The following BABAM2 variants were observed in gnomAD, a reference collection of about 807,000 sequenced individuals.
BABAM2 encodes BRISC and BRCA1 A complex member 2, also known as BRISC and BRCA1-A complex member 2.
In BABAM2, 31 loss-of-function variants were observed where a neutral mutation model predicts 54.7. That is an observed-to-expected ratio of 0.57 (90% CI 0.43 to 0.77). The LOEUF is 0.77. Ranked by LOEUF, BABAM2 falls within the 30% of genes least tolerant of loss-of-function variation. The pLI is 0.00. For synonymous variants in BABAM2, 167 were observed against 162.9 expected, an observed-to-expected ratio of 1.03 and a Z score of -0.19; for missense variants, 364 against 455.8, an observed-to-expected ratio of 0.80 and a Z score of 1.83.
At chr2:28,139,358 A>G (rs567137741) in intron 7 of BABAM2, among the ~76,000 whole-genome samples, 19 of 150,228 alleles carry the variant, frequency 1.3e-4, no homozygotes, top group African/African-American at 4.7e-4. Context: ...AAAAGAAAAA[A>G]AAGAGGTGGA....
intron 7 of BABAM2, among the ~76,000 whole-genome samples, chr2:28,152,808 C>T (rs1193922351): frequency 2.6e-5 from 4 of 152,164 alleles, no homozygotes; most frequent in African/African-American, 7.2e-5. Context: ...GGATGGTCAT[C>T]GGCTACTAGG....
chr2:28,095,944 T>C (rs1286663408), intron 6 of BABAM2, among the ~76,000 whole-genome samples: 1 of 152,194 alleles, frequency 6.6e-6, no homozygotes, highest in Non-Finnish European at 1.5e-5. Flanking sequence ...CCTCTCTTTA[T>C]AGATGAGAAA....
chr2:28,267,938 A>G (rs950089627), intron 10 of BABAM2, among the ~76,000 whole-genome samples: 1 of 152,260 alleles, frequency 6.6e-6, no homozygotes, highest in Admixed American at 6.5e-5. Context: ...ATGTTCACTG[A>G]CAGAGGAATG....
At chr2:28,090,972 T>C (rs888031308) in intron 6 of BABAM2, among the ~76,000 whole-genome samples, 12 of 152,224 alleles carry the variant, frequency 7.9e-5, no homozygotes, top group Non-Finnish European at 1.3e-4. Context: ...TTTTCTTAAC[T>C]GCCAAGTGCT....
chr2:28,088,351 A>G (rs762775691), intron 6 of BABAM2, among the ~76,000 whole-genome samples: 1 of 152,130 alleles, frequency 6.6e-6, no homozygotes, highest in Non-Finnish European at 1.5e-5. Context: ...TTCTCCTGAC[A>G]TTTGCCATTG....
intron 7 of BABAM2, among the ~76,000 whole-genome samples, chr2:28,190,264 T>A (rs930984154): frequency 6.6e-6 from 1 of 152,210 alleles, no homozygotes; most frequent in African/African-American, 2.4e-5. Context: ...CTTTATTTCC[T>A]ACAGTTTTGG....
chr2:28,049,418 T>G (rs1239445432), intron 6 of BABAM2, among the ~76,000 whole-genome samples: 1 of 152,182 alleles, frequency 6.6e-6, no homozygotes, highest in African/African-American at 2.4e-5. Flanking sequence ...ATCTCTAAAC[T>G]AGAAATCAGT....
At chr2:28,202,659 G>A (rs1253640270) in intron 7 of BABAM2, among the ~76,000 whole-genome samples, 1 of 152,132 alleles carries the variant, frequency 6.6e-6, no homozygotes, top group East Asian at 1.9e-4. Context: ...GCAGCTGGGG[G>A]AGGAAATGGC....
At chr2:28,286,731 A>G (rs1354791998) in intron 10 of BABAM2, among the ~76,000 whole-genome samples, 1 of 152,178 alleles carries the variant, frequency 6.6e-6, no homozygotes, top group Non-Finnish European at 1.5e-5. Flanking sequence ...CCCATACTGC[A>G]TGGTGGTTGA....
intron 11 of BABAM2, among the ~76,000 whole-genome samples, chr2:28,326,870 T>C (rs1380877624): frequency 6.6e-6 from 1 of 152,226 alleles, no homozygotes; most frequent in Non-Finnish European, 1.5e-5. Context: ...CTCCCGCCCT[T>C]AGTCTCCCCT....
At chr2:27,967,811 G>T (rs1336657159) in intron 3 of BABAM2, among the ~76,000 whole-genome samples, 1 of 152,212 alleles carries the variant, frequency 6.6e-6, no homozygotes, top group Non-Finnish European at 1.5e-5. Flanking sequence ...TTTTAGCAAA[G>T]AGATTGGCGG....
chr2:28,113,125 G>A lies in BABAM2; in HGVS notation c.571-16146G>A, dbSNP rs1184170072. On this transcript the variant is annotated intron_variant, in intron 6 of 11. Transcript: ENST00000379624. ...TAGCTCTTTGTCAGATGGATAGATT[G>A]CAAAAATTTTCTCCCATTCTGTAGG... Among the ~76,000 whole-genome samples the A allele has an allele frequency of 3.9e-5, 6 of 152,210 alleles. No individual in the cohort carries two copies. The East Asian group carries it at 7.7e-4, about 20-fold the overall frequency.
At chr2:28,237,930 G>A (rs1488914955) in intron 8 of BABAM2, among the ~76,000 whole-genome samples, 1 of 151,982 alleles carries the variant, frequency 6.6e-6, no homozygotes, top group Non-Finnish European at 1.5e-5. Context: ...TCGGCTGACC[G>A]CAACCTCCTC....
chr2:28,135,431 T>C (rs1670448782), intron 7 of BABAM2, among the ~76,000 whole-genome samples: 1 of 152,128 alleles, frequency 6.6e-6, no homozygotes, highest in Admixed American at 6.5e-5. Flanking sequence ...TTCAACCCAT[T>C]AAATTATGCT....
At chr2:28,139,113 A>G (rs113427356) in intron 7 of BABAM2, among the ~76,000 whole-genome samples, 1 of 152,162 alleles carries the variant, frequency 6.6e-6, no homozygotes, top group East Asian at 1.9e-4. Context: ...CTTAATTTGG[A>G]GGAAGTGTAA....
Position 28,305,638 on chromosome 2 carries a change from G to T in BABAM2, c.1088+7147G>T, listed in dbSNP as rs6743773. 5.0e-3 allele frequency among the ~76,000 whole-genome samples: 760 copies of T among 152,096 alleles called. 3 individuals are homozygous for T. Among genetic ancestry groups the T allele is most frequent in the African/African-American group, 0.017 (708 of 41,468 alleles). On this transcript the variant is annotated intron_variant, in intron 11 of 11. Coordinates refer to ENST00000379624, the MANE Select transcript of BABAM2 (RefSeq NM_199191.3). ...TTATTTCTTTCCAAATGTTTGGTAG[G>T]GTTTCCTTTGTGCAAAAAATATTTA...
At chr2:28,210,425 C>T (rs930803419) in intron 7 of BABAM2, among the ~76,000 whole-genome samples, 9 of 152,130 alleles carry the variant, frequency 5.9e-5, no homozygotes, top group Non-Finnish European at 1.0e-4. Context: ...CTTGTAACTT[C>T]CTGAAAGGCT....
rs1380904523 is a variant in BABAM2, at chr2:27,995,961, T to C, written c.300+7874T>C. Among the ~76,000 whole-genome samples, 1 of 152,230 alleles carries C rather than the reference T, an allele frequency of 6.6e-6. No individual in the cohort carries two copies. Among genetic ancestry groups the C allele is most frequent in the African/African-American group, 2.4e-5 (1 of 41,464 alleles). ...TTATTTTCTGTAAATTCCAATTATC[T>C]GGTTAACTTATCTTTTCATCTATAT... On this transcript the variant is annotated intron_variant, in intron 4 of 11. Coordinates refer to ENST00000379624, the MANE Select transcript of BABAM2 (RefSeq NM_199191.3). The surrounding 1 kb of genome is among the most constrained non-coding windows in gnomAD (Gnocchi z 4.1).
intron 7 of BABAM2, among the ~76,000 whole-genome samples, chr2:28,188,943 G>A (rs936441522): frequency 2.0e-5 from 3 of 152,226 alleles, no homozygotes; most frequent in Admixed American, 6.5e-5. Flanking sequence ...GCTCACGCCT[G>A]TAATCCCAAC....
Sources: gnomAD v4.1 joint callset for allele counts (sites outside exome capture counted in the v4.1 genomes callset) on GRCh38, gnomAD v4.1.1 for gene constraint, Gnocchi (gnomAD v3.1) non-coding constraint, MANE v1.5 for transcripts, NCBI Gene and HGNC (gene_info 2026-07-23, HGNC 2026-07-21) for gene names.